Variants in DEUP1 observed in about 807,000 individuals in gnomAD.
DEUP1 encodes the protein deuterosome assembly protein 1.
A neutral mutation model predicts 87.4 loss-of-function variants in DEUP1; 82 were observed. The ratio of observed to expected loss-of-function variants is 0.94; its 90% CI spans 0.78 to 1.13. The LOEUF is 1.13. Ranked by LOEUF, DEUP1 falls within the 50% of genes most tolerant of loss-of-function variation. The pLI is 0.00. For synonymous variants in DEUP1, 214 were observed against 222.7 expected (o/e 0.96, Z 0.35); for missense variants, 663 against 681.5 (o/e 0.97, Z 0.30).
chr11:93,389,164 T>C lies in DEUP1; in HGVS notation c.1041+39T>C, dbSNP rs758128658. On this transcript the variant is annotated intron_variant, in intron 9 of 13. Transcript: ENST00000298050. Reference sequence around the variant, plus strand: ...TGAGCTCCATTCTTCCAGGTAGATGTGAACTCTTTACATACAAAGGGAGTT... The same window carrying C: ...TGAGCTCCATTCTTCCAGGTAGATGCGAACTCTTTACATACAAAGGGAGTT... 77 of 1,118,610 alleles carry C rather than the reference T, an allele frequency of 6.9e-5. 3 individuals carry two copies. In the South Asian group the frequency reaches 7.4e-4, roughly 11 times the overall value. The allele number at this position is 1,118,610 out of a possible 1,614,324, so 69.3% of individuals were successfully genotyped here.
At chr11:93,366,516 T>C (rs1378841527) in intron 5 of DEUP1, among the ~76,000 whole-genome samples, 2 of 150,790 alleles carry the variant, frequency 1.3e-5, no homozygotes, top group Non-Finnish European at 2.9e-5. Flanking sequence ...AAGCCTATCG[T>C]GACAACTCCA....
At chr11:93,399,812 GT>G (rs564341628) in intron 11 of DEUP1, among the ~76,000 whole-genome samples, 1,575 of 151,474 alleles carry the variant, frequency 0.01, 32 homozygotes, top group African/African-American at 0.035. Flanking sequence ...CTCATAGTAG[GT>G]TTTTTTTCTT....
At chr11:93,432,308 G>A (rs1948128091) in intron 13 of DEUP1, among the ~76,000 whole-genome samples, 1 of 152,160 alleles carries the variant, frequency 6.6e-6, no homozygotes. Flanking sequence ...TTCTGAAACA[G>A]GAGGATGGCC....
intron 13 of DEUP1, among the ~76,000 whole-genome samples, chr11:93,435,858 T>C (rs1217220264): frequency 6.6e-6 from 1 of 151,280 alleles, no homozygotes; most frequent in Non-Finnish European, 1.5e-5. Context: ...TAGCCGGGAG[T>C]GGTGGCGGGC....
At chr11:93,417,634 C>A (rs1223656645) in intron 13 of DEUP1, among the ~76,000 whole-genome samples, 3 of 151,800 alleles carry the variant, frequency 2.0e-5, no homozygotes, top group African/African-American at 7.3e-5. Flanking sequence ...CAGTGCCATC[C>A]CCATCAAGCT....
chr11:93,332,930 G>A (rs1472067082), intron 2 of DEUP1, among the ~76,000 whole-genome samples: 1 of 152,184 alleles, frequency 6.6e-6, no homozygotes, highest in Admixed American at 6.5e-5. Context: ...AAGGGGTGAA[G>A]GGGTGGTTGT....
intron 5 of DEUP1, among the ~76,000 whole-genome samples, chr11:93,366,706 G>A (rs1401350607): frequency 2.7e-5 from 4 of 147,810 alleles, no homozygotes; most frequent in Admixed American, 6.7e-5. Context: ...TCTTGGCCAC[G>A]CTTCTACCTG....
intron 7 of DEUP1, among the ~76,000 whole-genome samples, chr11:93,371,515 A>G (rs1945728649): frequency 6.6e-6 from 1 of 152,194 alleles, no homozygotes; most frequent in African/African-American, 2.4e-5. Flanking sequence ...ATGTATTACC[A>G]GTGCAATATA....
chr11:93,334,119 A>G (rs140092979), intron 2 of DEUP1, among the ~76,000 whole-genome samples: 64 of 152,304 alleles, frequency 4.2e-4, no homozygotes, highest in African/African-American at 1.3e-3. Flanking sequence ...GTACTGTTCC[A>G]CTCATCACAG....
chr11:93,366,978 T>A (rs1945449965), intron 5 of DEUP1, among the ~76,000 whole-genome samples: 1 of 152,182 alleles, frequency 6.6e-6, no homozygotes, highest in Admixed American at 6.5e-5. Context: ...TACTAGAACC[T>A]CATTTTATAA....
rs767854514 is a variant in DEUP1, at chr11:93,356,951, G to A, written c.205G>A (p.Gly69Arg). The A allele has an allele frequency of 1.5e-5, 24 of 1,587,420 alleles. No homozygotes were observed. The highest frequency in any genetic ancestry group is 3.6e-5 in the Admixed American group (2 of 55,808). The stretch of plus-strand genomic sequence containing the variant: ...TTAAATTTTATTCTTCATGCAGGTA[G>A]GGTTACTTCGACAGAAATTGGACAG... Reference protein sequence around the residue: ...TCLDQKGQEVGLLRQKLDSLE... With the variant: ...TCLDQKGQEVRLLRQKLDSLE... The change falls in exon 4 of 14, where the codon GGG becomes AGG. Residue 69 changes from glycine to arginine, a missense_variant. Physicochemically the swap from Gly to Arg is moderately radical, Grantham distance 125 (BLOSUM62 -2). Coordinates refer to ENST00000298050, the MANE Select transcript of DEUP1 (RefSeq NM_181645.4).
chr11:93,416,534 TCAA>T (rs1947636541), intron 13 of DEUP1, among the ~76,000 whole-genome samples: 4 of 151,792 alleles, frequency 2.6e-5, no homozygotes, highest in Non-Finnish European at 4.4e-5. Flanking sequence ...GTGGCAATAA[TCAA>T]TAGCTTACCA....
In DEUP1 at chr11:93,415,099, T is replaced by C. The variant is rs371663576; in HGVS notation, c.1623T>C (p.Asp541=). 6.2e-7 allele frequency: 1 copy of C among 1,610,088 alleles called. No individual in the cohort carries two copies. Among genetic ancestry groups the C allele is most frequent in the Non-Finnish European group, 8.5e-7 (1 of 1,177,510 alleles). ...KEMTSPLVSD[D]DVFPLSPPDM... ...TGACAAGTCCTTTGGTTAGTGATGATGATGTATTCCCACTGGTGAGTTGCT... is the reference window on the plus strand; with the variant it reads ...TGACAAGTCCTTTGGTTAGTGATGACGATGTATTCCCACTGGTGAGTTGCT... Residue 541 remains aspartate (D), a synonymous_variant, in exon 13 of 14, where the codon GAT becomes GAC. Coordinates refer to ENST00000298050, the MANE Select transcript of DEUP1 (RefSeq NM_181645.4).
intron 7 of DEUP1, among the ~76,000 whole-genome samples, chr11:93,372,362 A>G (rs1433821549): frequency 3.3e-5 from 5 of 151,164 alleles, no homozygotes; most frequent in African/African-American, 9.7e-5. Context: ...TCTTTTCCCC[A>G]CTCTATTCCC....
chr11:93,381,862 A>G (rs998020763), intron 7 of DEUP1, among the ~76,000 whole-genome samples: 2 of 152,158 alleles, frequency 1.3e-5, no homozygotes, highest in Non-Finnish European at 2.9e-5. Context: ...TATCCAAAAT[A>G]TTATCATTCT....
chr11:93,436,164 C>A (rs1948243979), intron 13 of DEUP1, among the ~76,000 whole-genome samples: 4 of 152,164 alleles, frequency 2.6e-5, no homozygotes, highest in Admixed American at 2.6e-4. Context: ...TGTCAAGCCC[C>A]AATCTTTTAT....
chr11:93,396,659 C>T (rs993339450), intron 11 of DEUP1, among the ~76,000 whole-genome samples: 1 of 152,160 alleles, frequency 6.6e-6, no homozygotes, highest in Non-Finnish European at 1.5e-5. Flanking sequence ...TTCCCCTCAA[C>T]GAAGCCACCC....
intron 11 of DEUP1, among the ~76,000 whole-genome samples, chr11:93,400,698 A>G (rs900983682): frequency 6.6e-6 from 1 of 152,166 alleles, no homozygotes; most frequent in Non-Finnish European, 1.5e-5. Flanking sequence ...CTATATGATA[A>G]TATTTTATTT....
Position 93,342,765 on chromosome 11 carries a change from C to T in DEUP1, c.29+10477C>T, listed in dbSNP as rs1051927377. On this transcript the variant is annotated intron_variant, in intron 2 of 13. Transcript: ENST00000298050. Reference sequence around the variant, plus strand: ...TAGGAGAGAATCAATAAGGCTGACTCGGACCAAGGTTTATCACTGTTTATG... The same window carrying T: ...TAGGAGAGAATCAATAAGGCTGACTTGGACCAAGGTTTATCACTGTTTATG... Among the ~76,000 whole-genome samples the T allele has an allele frequency of 3.3e-5, 5 of 152,104 alleles. No homozygotes were observed. The South Asian group carries it at 6.2e-4, about 19-fold the overall frequency.
Sources: gnomAD v4.1 joint callset for allele counts (sites outside exome capture counted in the v4.1 genomes callset) on GRCh38, gnomAD v4.1.1 for gene constraint, MANE v1.5 for transcripts, NCBI Gene and HGNC (gene_info 2026-07-23, HGNC 2026-07-21) for gene names.